Variants in HDAC9 observed in about 807,000 individuals in gnomAD.
HDAC9 encodes histone deacetylase 9.
HDAC9 carries 41 observed loss-of-function variants against 139.4 expected under a neutral mutation model. That is an observed-to-expected ratio of 0.29 (90% CI 0.23 to 0.38). The LOEUF (loss-of-function observed/expected upper bound fraction) is 0.38, where lower values mean the gene tolerates loss of function less well. HDAC9 is among the 10% of genes least tolerant of loss of function. The pLI is 1.00. For synonymous variants in HDAC9, 517 were observed against 476.2 expected, an observed-to-expected ratio of 1.09 and a Z score of -1.12; for missense variants, 1,147 against 1,297.0, an observed-to-expected ratio of 0.88 and a Z score of 1.78.
chr7:18,948,938 T>A (rs910980320), intron 23 of HDAC9: 2 of 356,788 alleles, frequency 5.6e-6, no homozygotes, highest in African/African-American at 4.4e-5. Context: ...TTGAATAGCC[T>A]CTTGGTCAGT....
chr7:18,109,437 C>T (rs548739757), intron 1 of HDAC9, among the ~76,000 whole-genome samples: 106 of 152,216 alleles, frequency 7.0e-4, no homozygotes, highest in African/African-American at 2.3e-3. Context: ...CCAAAGAAAG[C>T]AGTGTTTCCT....
chr7:18,930,650 T>A (rs1804660189), intron 22 of HDAC9, among the ~76,000 whole-genome samples: 1 of 152,220 alleles, frequency 6.6e-6, no homozygotes, highest in Non-Finnish European at 1.5e-5. Context: ...TTATTTTGAT[T>A]TGAAGAAAGG....
At chr7:18,852,673 C>A (rs889340394) in intron 21 of HDAC9, among the ~76,000 whole-genome samples, 1 of 152,004 alleles carries the variant, frequency 6.6e-6, no homozygotes, top group South Asian at 2.1e-4. Context: ...ATGGAATGAG[C>A]CTTAAGTAAA....
intron 22 of HDAC9, among the ~76,000 whole-genome samples, chr7:18,927,079 T>G (rs1163038710): frequency 6.6e-6 from 1 of 152,136 alleles, no homozygotes; most frequent in Admixed American, 6.6e-5. Context: ...GTTCATAAAT[T>G]TACATTTTAA....
chr7:18,362,299 A>G (rs1006182121), intron 1 of HDAC9, among the ~76,000 whole-genome samples: 2 of 152,176 alleles, frequency 1.3e-5, no homozygotes, highest in Non-Finnish European at 2.9e-5. Flanking sequence ...TATGTGTTGC[A>G]AACCTAATTT....
At chr7:18,903,644 G>A (rs1489138825) in intron 22 of HDAC9, among the ~76,000 whole-genome samples, 1 of 152,132 alleles carries the variant, frequency 6.6e-6, no homozygotes, top group East Asian at 1.9e-4. Context: ...TTATCTTTGT[G>A]TCAGCTATTT....
At chr7:18,627,535 A>T (rs1166556031) in intron 6 of HDAC9, among the ~76,000 whole-genome samples, 1 of 152,246 alleles carries the variant, frequency 6.6e-6, no homozygotes, top group African/African-American at 2.4e-5. Flanking sequence ...ATATCTAAGT[A>T]CATTAATACA....
At chr7:18,685,049 G>A (rs149879349) in intron 12 of HDAC9, among the ~76,000 whole-genome samples, 64 of 151,932 alleles carry the variant, frequency 4.2e-4, no homozygotes, top group Admixed American at 6.6e-4. Context: ...AATAAAATTC[G>A]TCTGAATCTC....
chr7:18,384,104 A>G (rs926761296), intron 1 of HDAC9, among the ~76,000 whole-genome samples: 1 of 152,134 alleles, frequency 6.6e-6, no homozygotes, highest in African/African-American at 2.4e-5. Context: ...TGACCTTAAC[A>G]GTTAAAGATG....
chr7:18,991,464 T>C lies in HDAC9; in HGVS notation c.3171-4559T>C, dbSNP rs190098184. Among the ~76,000 whole-genome samples the C allele has an allele frequency of 5.1e-3, 773 of 152,182 alleles. 5 individuals carry two copies. Among genetic ancestry groups the C allele is most frequent in the African/African-American group, 0.012 (485 of 41,540 alleles). ...CATCCTGGCTAACACGGTGAAACCC[T>C]GTCTCTACTAAAAATACAAAAAATT... On this transcript the variant is annotated intron_variant, in intron 25 of 25. Coordinates refer to ENST00000686413, the MANE Select transcript of HDAC9 (RefSeq NM_178425.4).
intron 23 of HDAC9, among the ~76,000 whole-genome samples, chr7:18,942,271 T>C (rs1418273075): frequency 6.6e-6 from 1 of 152,100 alleles, no homozygotes; most frequent in Admixed American, 6.6e-5. Context: ...CAGACTAATA[T>C]GAGCTAATGT....
At chr7:18,875,065 C>T (rs1242300814) in intron 22 of HDAC9, among the ~76,000 whole-genome samples, 1 of 152,138 alleles carries the variant, frequency 6.6e-6, no homozygotes, top group Non-Finnish European at 1.5e-5. Context: ...CTGTATGTGT[C>T]TATGGGCAAC....
intron 12 of HDAC9, chr7:18,667,746 C>T (rs1162430718): frequency 9.1e-6 from 9 of 983,666 alleles, no homozygotes; most frequent in African/African-American, 1.7e-5. Context: ...TTTTAAAGGG[C>T]ACTCTATGAA....
chr7:18,940,360 T>C (rs1781942970), intron 23 of HDAC9, among the ~76,000 whole-genome samples: 1 of 152,180 alleles, frequency 6.6e-6, no homozygotes, highest in South Asian at 2.1e-4. Flanking sequence ...ACTATTGGAT[T>C]AAAACTAATT....
intron 12 of HDAC9, among the ~76,000 whole-genome samples, chr7:18,701,964 A>C (rs1783524856): frequency 6.6e-6 from 1 of 152,230 alleles, no homozygotes; most frequent in Non-Finnish European, 1.5e-5. Context: ...TAAGGCACAG[A>C]GACAGTCTCC....
At chr7:18,656,416 G>A (rs142353705) in intron 11 of HDAC9, among the ~76,000 whole-genome samples, 133 of 152,154 alleles carry the variant, frequency 8.7e-4, no homozygotes, top group African/African-American at 3.1e-3. Context: ...CCCTTGAGTG[G>A]CTCAAAGACC....
At chr7:18,932,656 C>G (rs1479923826) in intron 22 of HDAC9, among the ~76,000 whole-genome samples, 1 of 151,866 alleles carries the variant, frequency 6.6e-6, no homozygotes, top group Admixed American at 6.6e-5. Flanking sequence ...ATGGCCAACA[C>G]TTTGGAAGAG....
intron 1 of HDAC9, among the ~76,000 whole-genome samples, chr7:18,324,503 T>C (rs762351399): frequency 2.2e-4 from 33 of 152,162 alleles, no homozygotes; most frequent in Non-Finnish European, 4.0e-4. Context: ...AATTAGGCAT[T>C]TCTCTCAAAG....
chr7:18,139,526 G>A (rs1178362), intron 1 of HDAC9, among the ~76,000 whole-genome samples: 2 of 151,766 alleles, frequency 1.3e-5, no homozygotes, highest in African/African-American at 4.8e-5. Flanking sequence ...CCTTTTTTCC[G>A]TGTCAGGGAA....
Sources: allele counts gnomAD v4.1 joint callset (sites outside exome capture counted in the v4.1 genomes callset), GRCh38; gene constraint gnomAD v4.1.1; transcripts MANE v1.5; gene names NCBI Gene and HGNC (gene_info 2026-07-23, HGNC 2026-07-21).